The following PAPPA variants were observed in gnomAD, a reference collection of about 807,000 sequenced individuals.
PAPPA encodes the protein pappalysin 1.
In PAPPA, 60 loss-of-function variants were observed where a neutral mutation model predicts 164.0. That is an observed-to-expected ratio of 0.37 (90% CI 0.30 to 0.45). The LOEUF is 0.45. Ranked by LOEUF, PAPPA falls within the 20% of genes least tolerant of loss-of-function variation. The pLI is 1.00. For synonymous variants in PAPPA, 875 were observed against 814.1 expected, an observed-to-expected ratio of 1.07 and a Z score of -1.27; for missense variants, 1,782 against 2,087.3, an observed-to-expected ratio of 0.85 and a Z score of 2.85.
intron 4 of PAPPA, among the ~76,000 whole-genome samples, chr9:116,212,728 G>A (rs1468774069): frequency 6.6e-6 from 1 of 152,144 alleles, no homozygotes; most frequent in Non-Finnish European, 1.5e-5. Context: ...AAAGGAAGAA[G>A]TAAAGAAAGA....
chr9:116,308,529 G>T (rs1305853237), intron 10 of PAPPA, among the ~76,000 whole-genome samples: 1 of 152,166 alleles, frequency 6.6e-6, no homozygotes, highest in Non-Finnish European at 1.5e-5. Context: ...TTGCTTCAGG[G>T]CTCATCTCTA....
At chr9:116,393,526 G>C (rs775994302) in intron 21 of PAPPA, among the ~76,000 whole-genome samples, 1 of 152,174 alleles carries the variant, frequency 6.6e-6, no homozygotes, top group Non-Finnish European at 1.5e-5. Flanking sequence ...AAGTAAAGAA[G>C]TAATTCAGTA....
At chr9:116,349,023 G>T (rs187380502) in intron 15 of PAPPA, among the ~76,000 whole-genome samples, 404 of 152,164 alleles carry the variant, frequency 2.7e-3, no homozygotes, top group Non-Finnish European at 4.3e-3. Flanking sequence ...TCTGCCCTCA[G>T]TTTTTGCCCC....
At chr9:116,203,268 A>T (rs769983119) in intron 2 of PAPPA, among the ~76,000 whole-genome samples, 3 of 152,232 alleles carry the variant, frequency 2.0e-5, no homozygotes, top group Non-Finnish European at 4.4e-5. Context: ...TGTATTAGAT[A>T]TATGACCTTG....
At chr9:116,250,050 T>G (rs79054031) in intron 7 of PAPPA, among the ~76,000 whole-genome samples, 5 of 140,110 alleles carry the variant, frequency 3.6e-5, no homozygotes, top group East Asian at 2.5e-4. Context: ...TGTGTGTGTG[T>G]GTTTGGAGCA....
At position 116,187,973 on chromosome 9, in the gene PAPPA, C is replaced by T; in HGVS notation, c.1235C>T (p.Ala412Val). The part of the protein sequence containing the change: ...NSSLRRRLIL[A>V]NCDISKIGDE... ...TCCCTTCGCCGCCGCCTCATCCTGG[C>T]CAACTGTGACATCAGCAAGATTGGG... The change falls in exon 2 of 22, where the codon GCC becomes GTC. Residue 412 changes from alanine to valine, a missense_variant. By Grantham distance (64) the Ala-to-Val change is moderately conservative. Around this residue, in one of 2 missense-constraint regions of PAPPA, gnomAD observed 1,324 missense variants for 1,656.9 expected, o/e 0.80. Coordinates refer to ENST00000328252, the MANE Select transcript of PAPPA (RefSeq NM_002581.5). This position sits in a 1 kb window ranked among gnomAD's most constrained non-coding sequence, Gnocchi z 4.2. The T allele has an allele frequency of 1.2e-6, 2 of 1,614,176 alleles. No individual in the cohort carries two copies. The highest frequency in any genetic ancestry group is 1.7e-6 in the Non-Finnish European group (2 of 1,180,026).
chr9:116,183,442 T>C (rs1173931271), intron 1 of PAPPA, among the ~76,000 whole-genome samples: 1 of 152,172 alleles, frequency 6.6e-6, no homozygotes, highest in African/African-American at 2.4e-5. Context: ...GGAGGTGGTA[T>C]GACTTGTCCC....
At chr9:116,299,235 TTC>T (rs1048599651) in intron 9 of PAPPA, among the ~76,000 whole-genome samples, 129 of 152,142 alleles carry the variant, frequency 8.5e-4, no homozygotes, top group African/African-American at 3.0e-3. Context: ...CTGTCTCTCT[TTC>T]TCTCTCTCTC....
At chr9:116,213,634 C>G (rs965470852) in intron 4 of PAPPA, among the ~76,000 whole-genome samples, 1 of 152,128 alleles carries the variant, frequency 6.6e-6, no homozygotes, top group South Asian at 2.1e-4. Flanking sequence ...GGGCTAGGAG[C>G]TGCCACTAGC....
At chr9:116,157,941 C>A (rs945609608) in intron 1 of PAPPA, among the ~76,000 whole-genome samples, 1 of 152,060 alleles carries the variant, frequency 6.6e-6, no homozygotes, top group Non-Finnish European at 1.5e-5. Context: ...ACAAAAGACT[C>A]AATTTGCTCC....
chr9:116,213,526 C>T (rs1024311007), intron 4 of PAPPA, among the ~76,000 whole-genome samples: 2 of 152,154 alleles, frequency 1.3e-5, no homozygotes, highest in African/African-American at 4.8e-5. Context: ...TCATACAACA[C>T]TGCTAAAGTT....
At chr9:116,188,486 G>A (rs899437928) in intron 2 of PAPPA, among the ~76,000 whole-genome samples, 1 of 152,238 alleles carries the variant, frequency 6.6e-6, no homozygotes, top group Non-Finnish European at 1.5e-5. Context: ...TTCAAATTGA[G>A]TGATATAAGC....
chr9:116,164,736 G>T (rs1843702316), intron 1 of PAPPA, among the ~76,000 whole-genome samples: 1 of 152,206 alleles, frequency 6.6e-6, no homozygotes, highest in Non-Finnish European at 1.5e-5. Flanking sequence ...TTTATATGGA[G>T]GGGGTTATTT....
At chr9:116,365,079 C>T (rs1846481788) in intron 18 of PAPPA, among the ~76,000 whole-genome samples, 1 of 152,196 alleles carries the variant, frequency 6.6e-6, no homozygotes, top group African/African-American at 2.4e-5. Flanking sequence ...TCCTCGCTTT[C>T]CTCCAAATGC....
At chr9:116,360,796 A>G (rs1846416422) in intron 17 of PAPPA, among the ~76,000 whole-genome samples, 1 of 152,224 alleles carries the variant, frequency 6.6e-6, no homozygotes, top group African/African-American at 2.4e-5. Context: ...GGCATTGTGG[A>G]AAACCCTGAG....
chr9:116,270,828 A>G (rs1845127220), intron 8 of PAPPA, among the ~76,000 whole-genome samples: 1 of 151,362 alleles, frequency 6.6e-6, no homozygotes, highest in Non-Finnish European at 1.5e-5. Flanking sequence ...AAGGATGACT[A>G]AACTTGAATG....
At chr9:116,199,263 G>A (rs1437092407) in intron 2 of PAPPA, among the ~76,000 whole-genome samples, 1 of 152,172 alleles carries the variant, frequency 6.6e-6, no homozygotes, top group Non-Finnish European at 1.5e-5. Context: ...AAGAGACTCA[G>A]CAAAGGACAT....
At chr9:116,316,964 C>T (rs1363602481) in intron 10 of PAPPA, among the ~76,000 whole-genome samples, 1 of 152,144 alleles carries the variant, frequency 6.6e-6, no homozygotes, top group African/African-American at 2.4e-5. Context: ...AGAAGCAGGA[C>T]TCAGAGACAA....
intron 7 of PAPPA, among the ~76,000 whole-genome samples, chr9:116,255,765 G>T (rs994172587): frequency 6.6e-6 from 1 of 151,850 alleles, no homozygotes. Context: ...CCCCTGAAAC[G>T]ACCCCTGAAA....
Sources: allele counts gnomAD v4.1 joint callset (sites outside exome capture counted in the v4.1 genomes callset), GRCh38; gene constraint gnomAD v4.1.1; regional missense constraint gnomAD v4.1.1; non-coding constraint Gnocchi (gnomAD v3.1); transcripts MANE v1.5; gene names NCBI Gene and HGNC (gene_info 2026-07-23, HGNC 2026-07-21).